ZFPM2: variants seen among roughly 807,000 people sequenced by gnomAD.
ZFPM2 encodes zinc finger protein, FOG family member 2.
In ZFPM2, 20 loss-of-function variants were observed where a neutral mutation model predicts 98.6. The ratio of observed to expected loss-of-function variants is 0.20; its 90% confidence interval spans 0.14 to 0.29. The LOEUF is 0.29. Among genes scored for constraint, ZFPM2 ranks in the 10% least tolerant of loss-of-function variants. The pLI, the probability that ZFPM2 is intolerant of heterozygous loss-of-function variation, is 1.00. For synonymous variants in ZFPM2, 518 were observed against 502.7 expected, an observed-to-expected ratio of 1.03 and a Z score of -0.41; for missense variants, 1,310 against 1,388.6, an observed-to-expected ratio of 0.94 and a Z score of 0.90.
intron 4 of ZFPM2, among the ~76,000 whole-genome samples, chr8:105,577,692 A>G (rs564624070): frequency 6.6e-6 from 1 of 152,042 alleles, no homozygotes; most frequent in Admixed American, 6.6e-5. Flanking sequence ...CTGTAGGATG[A>G]AAAAGTTGTT....
chr8:105,433,070 CT>C, intron 2 of ZFPM2, among the ~76,000 whole-genome samples: 1 of 151,988 alleles, frequency 6.6e-6, no homozygotes, highest in African/African-American at 2.4e-5. Context: ...TGCACTCCAG[CT>C]TTGGCAAGAC....
chr8:105,491,956 A>G (rs1216180860), intron 3 of ZFPM2, among the ~76,000 whole-genome samples: 1 of 152,198 alleles, frequency 6.6e-6, no homozygotes, highest in African/African-American at 2.4e-5. Flanking sequence ...GAAATACAAC[A>G]CAAGTCATTA....
intron 1 of ZFPM2, among the ~76,000 whole-genome samples, chr8:105,412,168 A>G (rs1811589742): frequency 6.6e-6 from 1 of 151,874 alleles, no homozygotes; most frequent in East Asian, 1.9e-4. Context: ...ATTAAAGAGT[A>G]CATTTTTTCT....
At position 105,801,609 on chromosome 8, in the gene ZFPM2, G is replaced by T. The variant is rs777673497; in HGVS notation, c.1527G>T (p.Met509Ile). The stretch of plus-strand genomic sequence containing the variant: ...TTTCTTTCCCCCAAGATATCACCAT[G>T]GTCCCTCAAGCTTCAGAGATCTTAG... ...SQFSFPQDITMVPQASEILAK... is the reference protein window; with the variant it reads ...SQFSFPQDITIVPQASEILAK... The change falls in exon 8 of 8, where the codon ATG becomes ATT. Residue 509 changes from methionine (M) to isoleucine (I), a missense_variant. Physicochemically the swap from Met to Ile is conservative, Grantham distance 10 (BLOSUM62 1). Transcript: ENST00000407775. The T allele has an allele frequency of 8.1e-6, 13 of 1,613,572 alleles. No individual in the cohort carries two copies. In the South Asian group the frequency reaches 1.4e-4, roughly 18 times the overall value.
intron 5 of ZFPM2, among the ~76,000 whole-genome samples, chr8:105,674,568 C>G (rs887151039): frequency 6.6e-6 from 1 of 152,080 alleles, no homozygotes; most frequent in Non-Finnish European, 1.5e-5. Flanking sequence ...CGTACCTTGG[C>G]ATCATATTTT....
rs186428273 is a variant in ZFPM2 at position 105,403,407 on chromosome 8, T to A, written c.41-15737T>A. On this transcript the variant is annotated intron_variant, in intron 1 of 7. Coordinates refer to ENST00000407775, the MANE Select transcript of ZFPM2 (RefSeq NM_012082.4). ...CATAATTTGTCATCAGCATCACTAA[T>A]TCAATTTTTCTGCATTATCAAATGT... Among the ~76,000 whole-genome samples, 880 of 152,224 alleles carry A rather than the reference T, an allele frequency of 5.8e-3. 9 individuals carry two copies. Among genetic ancestry groups the A allele is most frequent in the African/African-American group, 0.02 (849 of 41,572 alleles).
At chr8:105,626,882 G>GT (rs1472191781) in intron 4 of ZFPM2, among the ~76,000 whole-genome samples, 1 of 152,050 alleles carries the variant, frequency 6.6e-6, no homozygotes, top group Non-Finnish European at 1.5e-5. Flanking sequence ...TATTTTTGTT[G>GT]TATTTCCTAA....
chr8:105,558,838 T>C (rs1395806964), intron 3 of ZFPM2, among the ~76,000 whole-genome samples: 2 of 152,196 alleles, frequency 1.3e-5, no homozygotes, highest in African/African-American at 2.4e-5. Context: ...ATTTTTTAAC[T>C]TGTATTTAGC....
chr8:105,638,161 A>G (rs1169965804), intron 5 of ZFPM2, among the ~76,000 whole-genome samples: 1 of 152,068 alleles, frequency 6.6e-6, no homozygotes, highest in Non-Finnish European at 1.5e-5. Context: ...TTCCACCAGC[A>G]TAGCAACTTC....
At chr8:105,340,510 C>T (rs186038840) in intron 1 of ZFPM2, among the ~76,000 whole-genome samples, 1 of 151,954 alleles carries the variant, frequency 6.6e-6, no homozygotes, top group East Asian at 1.9e-4. Context: ...TTGTAGAATT[C>T]CTACTTTTAA....
At chr8:105,542,877 A>C (rs765790354) in intron 3 of ZFPM2, among the ~76,000 whole-genome samples, 1 of 151,956 alleles carries the variant, frequency 6.6e-6, no homozygotes, top group African/African-American at 2.4e-5. Context: ...TCTTATTCTA[A>C]TTTTTTTCAG....
At chr8:105,755,159 TATAAG>T (rs1188806543) in intron 5 of ZFPM2, among the ~76,000 whole-genome samples, 4 of 152,148 alleles carry the variant, frequency 2.6e-5, no homozygotes, top group Non-Finnish European at 5.9e-5. Context: ...GTAAAAATCA[TATAAG>T]AGAAGCATTG....
intron 3 of ZFPM2, among the ~76,000 whole-genome samples, chr8:105,463,546 G>C (rs1812741666): frequency 6.6e-6 from 1 of 151,918 alleles, no homozygotes; most frequent in South Asian, 2.1e-4. Context: ...GAGAAGCTCT[G>C]ATTAACTCAG....
At chr8:105,402,860 A>G (rs7830852) in intron 1 of ZFPM2, among the ~76,000 whole-genome samples, 51,927 of 151,940 alleles carry the variant, frequency 0.34, 10,574 homozygotes, top group African/African-American at 0.57. Flanking sequence ...ATTATACTTT[A>G]TGATGTAGTT....
Position 105,802,378 on chromosome 8 carries a change from C to A in ZFPM2, c.2296C>A (p.Leu766Ile). ...VQQRFLDVANLNNPCTSTQEP... is the reference protein window; with the variant it reads ...VQQRFLDVANINNPCTSTQEP... ...GCAGAGATTTCTTGACGTAGCCAAC[C>A]TCAATAATCCTTGTACCTCCACTCA... The change falls in exon 8 of 8, where the codon CTC (leucine) becomes ATC (isoleucine). Residue 766 changes from leucine (L) to isoleucine (I), a missense_variant. Transcript: ENST00000407775. 1 of 1,613,744 alleles carries A rather than the reference C, an allele frequency of 6.2e-7. No homozygotes were observed. The highest frequency in any genetic ancestry group is 8.5e-7 in the Non-Finnish European group (1 of 1,179,862).
intron 3 of ZFPM2, among the ~76,000 whole-genome samples, chr8:105,553,272 A>T (rs1309373712): frequency 6.6e-6 from 1 of 152,190 alleles, no homozygotes; most frequent in Non-Finnish European, 1.5e-5. Flanking sequence ...CTCAGAATAA[A>T]TCCTTAAGAC....
intron 5 of ZFPM2, among the ~76,000 whole-genome samples, chr8:105,709,084 A>G (rs1811324262): frequency 6.6e-6 from 1 of 152,156 alleles, no homozygotes; most frequent in South Asian, 2.1e-4. Context: ...GAAAGGGGAG[A>G]ACCTGAACAA....
At chr8:105,770,906 G>T (rs1341936811) in intron 5 of ZFPM2, among the ~76,000 whole-genome samples, 1 of 152,126 alleles carries the variant, frequency 6.6e-6, no homozygotes, top group African/African-American at 2.4e-5. Context: ...AAGGCATAAA[G>T]CAATGCCAAT....
intron 4 of ZFPM2, among the ~76,000 whole-genome samples, chr8:105,585,228 G>T (rs746644018): frequency 1.3e-5 from 2 of 152,128 alleles, no homozygotes; most frequent in Admixed American, 1.3e-4. Flanking sequence ...TGAATATAAG[G>T]TTTCTCTAAG....
Sources: allele counts gnomAD v4.1 joint callset (sites outside exome capture counted in the v4.1 genomes callset), GRCh38; gene constraint gnomAD v4.1.1; transcripts MANE v1.5; gene names NCBI Gene and HGNC (gene_info 2026-07-23, HGNC 2026-07-21).